Variants in MECOM observed in about 807,000 individuals in gnomAD.
MECOM encodes the protein histone-lysine N-methyltransferase MECOM.
A neutral mutation model predicts 116.3 loss-of-function variants in MECOM; 13 were observed. That is an observed-to-expected ratio of 0.11 (90% CI 0.07 to 0.18). MECOM has a LOEUF of 0.18. MECOM is among the 10% of genes least tolerant of loss of function. MECOM has a pLI of 1.00. For synonymous variants in MECOM, 528 were observed against 535.2 expected, an observed-to-expected ratio of 0.99 and a Z score of 0.19; for missense variants, 1,299 against 1,509.0, an observed-to-expected ratio of 0.86 and a Z score of 2.31.
chr3:169,183,955 C>T (rs1746380117), intron 2 of MECOM, among the ~76,000 whole-genome samples: 2 of 151,850 alleles, frequency 1.3e-5, no homozygotes, highest in Non-Finnish European at 2.9e-5. Flanking sequence ...AGCTCCACCT[C>T]CCGGGTTCAC....
chr3:169,619,282 C>T (rs991839766), intron 1 of MECOM, among the ~76,000 whole-genome samples: 4 of 152,194 alleles, frequency 2.6e-5, no homozygotes, highest in African/African-American at 9.7e-5. Context: ...GAGGAGAGAG[C>T]CAGGGGAGGG....
At chr3:169,655,632 G>T (rs1026403821) in intron 1 of MECOM, among the ~76,000 whole-genome samples, 1 of 152,180 alleles carries the variant, frequency 6.6e-6, no homozygotes, top group African/African-American at 2.4e-5. Context: ...GCCTAGTTTG[G>T]CTTGGTATGG....
At chr3:169,102,781 A>C (rs1724041740) in intron 10 of MECOM, among the ~76,000 whole-genome samples, 1 of 152,172 alleles carries the variant, frequency 6.6e-6, no homozygotes, top group Non-Finnish European at 1.5e-5. Flanking sequence ...ACTACATTAA[A>C]TTAACATCTG....
chr3:169,156,631 C>T (rs983430828), intron 2 of MECOM, among the ~76,000 whole-genome samples: 3 of 152,134 alleles, frequency 2.0e-5, no homozygotes, highest in African/African-American at 7.2e-5. Context: ...TTTGAGTACA[C>T]GGCCTGAGAA....
At chr3:169,274,182 G>T (rs994953222) in intron 2 of MECOM, among the ~76,000 whole-genome samples, 2 of 152,058 alleles carry the variant, frequency 1.3e-5, no homozygotes. Flanking sequence ...AAAGTGCTGG[G>T]ATTACAGGCA....
intron 1 of MECOM, among the ~76,000 whole-genome samples, chr3:169,400,252 G>A (rs1735665737): frequency 6.6e-6 from 1 of 152,066 alleles, no homozygotes; most frequent in East Asian, 1.9e-4. Context: ...GGCTACGAGT[G>A]GAATGAAATC....
chr3:169,239,389 G>A (rs570196121), intron 2 of MECOM, among the ~76,000 whole-genome samples: 5 of 151,772 alleles, frequency 3.3e-5, no homozygotes, highest in Admixed American at 2.0e-4. Flanking sequence ...ATTAAATACA[G>A]GAATTATTTT....
At chr3:169,453,246 T>A (rs1247106714) in intron 1 of MECOM, among the ~76,000 whole-genome samples, 4 of 152,206 alleles carry the variant, frequency 2.6e-5, no homozygotes, top group Admixed American at 6.5e-5. Context: ...GCAACTATAT[T>A]TATCCTGATT....
At chr3:169,317,067 A>C (rs1018025747) in intron 2 of MECOM, among the ~76,000 whole-genome samples, 1 of 152,206 alleles carries the variant, frequency 6.6e-6, no homozygotes, top group African/African-American at 2.4e-5. Context: ...CAAAGAGTTT[A>C]TTCAACAGTT....
intron 1 of MECOM, among the ~76,000 whole-genome samples, chr3:169,503,506 T>A (rs901151238): frequency 6.6e-6 from 1 of 152,220 alleles, no homozygotes; most frequent in African/African-American, 2.4e-5. Context: ...CCTTGCATTT[T>A]GAAAAAGTTT....
intron 2 of MECOM, among the ~76,000 whole-genome samples, chr3:169,197,071 C>T (rs1748502430): frequency 6.6e-6 from 1 of 151,926 alleles, no homozygotes; most frequent in African/African-American, 2.4e-5. Context: ...GAACAGAAAA[C>T]CAAATACTGC....
intron 1 of MECOM, among the ~76,000 whole-genome samples, chr3:169,594,106 T>C (rs1375098568): frequency 1.5e-5 from 2 of 129,278 alleles, no homozygotes; most frequent in African/African-American, 6.2e-5. Flanking sequence ...CACTCCAGCC[T>C]GGGCAACAGA....
chr3:169,263,452 C>CCACCGAATATTGA (rs1757873226), intron 2 of MECOM, among the ~76,000 whole-genome samples: 1 of 151,442 alleles, frequency 6.6e-6, no homozygotes, highest in South Asian at 2.1e-4. Context: ...TTAAGTCCTG[C>CCACCGAATATTGA]CACCGAATAT....
rs1041912234 is a variant in MECOM at position 169,099,126 on chromosome 3, AAAAAC to A, written c.2849+1754_2849+1758del. Among the ~76,000 whole-genome samples, 58 of 141,586 alleles carry A rather than the reference AAAAAC, an allele frequency of 4.1e-4. 1 individual carries two copies. Among genetic ancestry groups the A allele is most frequent in the Non-Finnish European group, 1.3e-4 (8 of 63,602 alleles). 92.9% of individuals were successfully genotyped at this position (141,586 alleles called of 152,430 possible). A position where few individuals can be genotyped will look rare whatever the true frequency, so the allele number is the denominator to read the frequency against. ...TTCTTCTGCAAGGAAAAAAAAAAAAAAAAACCCAGAGGGGCTGGACAAATAATTGT... is the reference window on the plus strand; with the variant it reads ...TTCTTCTGCAAGGAAAAAAAAAAAAACCAGAGGGGCTGGACAAATAATTGT... On this transcript the variant is annotated intron_variant, in intron 12 of 16. Transcript: ENST00000651503.
At chr3:169,228,189 C>T (rs984512676) in intron 2 of MECOM, among the ~76,000 whole-genome samples, 6 of 152,146 alleles carry the variant, frequency 3.9e-5, no homozygotes, top group African/African-American at 9.7e-5. Flanking sequence ...CGCAAATCTA[C>T]CACAGATTTG....
chr3:169,229,669 T>C (rs1753147092), intron 2 of MECOM, among the ~76,000 whole-genome samples: 1 of 152,118 alleles, frequency 6.6e-6, no homozygotes, highest in Non-Finnish European at 1.5e-5. Flanking sequence ...CCAAAGTATC[T>C]GAGTGGCTTG....
At chr3:169,441,895 T>C (rs2108616479) in intron 1 of MECOM, among the ~76,000 whole-genome samples, 1 of 151,502 alleles carries the variant, frequency 6.6e-6, no homozygotes, top group Admixed American at 6.6e-5. Context: ...CACGCCTGGC[T>C]AATGTTTTGT....
At chr3:169,164,744 A>G (rs558392365) in intron 2 of MECOM, among the ~76,000 whole-genome samples, 36 of 150,900 alleles carry the variant, frequency 2.4e-4, no homozygotes, top group African/African-American at 8.0e-4. Flanking sequence ...ACATTATGTC[A>G]TTAAACCATA....
intron 1 of MECOM, among the ~76,000 whole-genome samples, chr3:169,494,160 C>T (rs144674883): frequency 7.2e-4 from 109 of 151,914 alleles, no homozygotes; most frequent in Admixed American, 4.1e-3. Flanking sequence ...ATTTCCTCCA[C>T]CTTAATATTT....
Sources: gnomAD v4.1 joint callset for allele counts (sites outside exome capture counted in the v4.1 genomes callset) on GRCh38, gnomAD v4.1.1 for gene constraint, MANE v1.5 for transcripts, NCBI Gene and HGNC (gene_info 2026-07-23, HGNC 2026-07-21) for gene names.